The following GABRG3 variants were observed in gnomAD, a reference collection of about 807,000 sequenced individuals.
GABRG3 encodes the protein gamma-aminobutyric acid receptor subunit gamma-3.
GABRG3 carries 25 observed loss-of-function variants against 48.8 expected under a neutral mutation model. The ratio of observed to expected loss-of-function variants is 0.51; its 90% CI spans 0.37 to 0.72. The LOEUF is 0.72. GABRG3 is among the 30% of genes least tolerant of loss of function. The pLI is 0.00. For synonymous variants in GABRG3, 227 were observed against 217.6 expected, an observed-to-expected ratio of 1.04 and a Z score of -0.38; for missense variants, 394 against 577.9, an observed-to-expected ratio of 0.68 and a Z score of 3.26.
At chr15:27,472,111 T>C (rs1045865963) in intron 5 of GABRG3, among the ~76,000 whole-genome samples, 2 of 152,210 alleles carry the variant, frequency 1.3e-5, no homozygotes, top group African/African-American at 4.8e-5. Context: ...ATTTTTTTAA[T>C]CTATGTTTGG....
chr15:27,438,981 C>G (rs935603976), intron 5 of GABRG3, among the ~76,000 whole-genome samples: 1 of 152,164 alleles, frequency 6.6e-6, no homozygotes, highest in East Asian at 1.9e-4. Flanking sequence ...GGAGCATGTT[C>G]AGAGTGCACA....
chr15:27,185,970 G>A (rs1888079699), intron 3 of GABRG3, among the ~76,000 whole-genome samples: 1 of 150,090 alleles, frequency 6.7e-6, no homozygotes, highest in African/African-American at 2.4e-5. Context: ...ATATGCAGTT[G>A]CATCAAGGTT....
chr15:27,134,238 A>G (rs1897968400), intron 3 of GABRG3, among the ~76,000 whole-genome samples: 1 of 152,234 alleles, frequency 6.6e-6, no homozygotes, highest in Non-Finnish European at 1.5e-5. Context: ...GAATGTCATT[A>G]ACTTAAGCAT....
At chr15:27,205,925 T>C (rs1238608346) in intron 3 of GABRG3, among the ~76,000 whole-genome samples, 1 of 152,078 alleles carries the variant, frequency 6.6e-6, no homozygotes, top group African/African-American at 2.4e-5. Flanking sequence ...GTCTCCTTTG[T>C]CATTTCTGAT....
At chr15:27,127,792 C>T (rs1012549) in intron 3 of GABRG3, among the ~76,000 whole-genome samples, 38,254 of 151,598 alleles carry the variant, frequency 0.25, 6,158 homozygotes, top group Middle Eastern at 0.36. Flanking sequence ...TAACAATACA[C>T]GTGTTTACAA....
chr15:27,164,401 T>C (rs1020624558), intron 3 of GABRG3, among the ~76,000 whole-genome samples: 1 of 152,224 alleles, frequency 6.6e-6, no homozygotes, highest in Non-Finnish European at 1.5e-5. Flanking sequence ...AAAATACTAC[T>C]ACCCCTAATG....
chr15:27,238,904 A>G (rs1455131308), intron 3 of GABRG3, among the ~76,000 whole-genome samples: 3 of 152,198 alleles, frequency 2.0e-5, no homozygotes, highest in South Asian at 2.1e-4. Context: ...CACATATGTC[A>G]CGATTGTTAG....
intron 3 of GABRG3, among the ~76,000 whole-genome samples, chr15:27,306,829 C>T (rs540618195): frequency 9.1e-4 from 63 of 69,424 alleles, no homozygotes; most frequent in African/African-American, 4.6e-3. Flanking sequence ...TATAAACATA[C>T]AATATAAACA....
chr15:27,443,983 A>C (rs548949240), intron 5 of GABRG3, among the ~76,000 whole-genome samples: 1 of 152,312 alleles, frequency 6.6e-6, no homozygotes, highest in East Asian at 1.9e-4. Context: ...TTCCTGGGGT[A>C]ATCATTTATT....
At chr15:27,224,952 T>C (rs558261098) in intron 3 of GABRG3, among the ~76,000 whole-genome samples, 20 of 151,786 alleles carry the variant, frequency 1.3e-4, no homozygotes, top group African/African-American at 4.9e-4. Flanking sequence ...ACTCAGTTGC[T>C]AGGAATGGTG....
chr15:27,024,998 A>G (rs1239240196), intron 2 of GABRG3, among the ~76,000 whole-genome samples: 1 of 137,454 alleles, frequency 7.3e-6, no homozygotes, highest in East Asian at 2.3e-4. Flanking sequence ...GCACTCCACC[A>G]TGGGAGACAA....
At chr15:27,460,453 C>A (rs957819289) in intron 5 of GABRG3, among the ~76,000 whole-genome samples, 1 of 152,148 alleles carries the variant, frequency 6.6e-6, no homozygotes, top group East Asian at 1.9e-4. Context: ...CAAGGAGAAC[C>A]AGGAAACTCA....
At chr15:27,309,324 A>G (rs764313327) in intron 3 of GABRG3, among the ~76,000 whole-genome samples, 4 of 151,216 alleles carry the variant, frequency 2.6e-5, no homozygotes, top group African/African-American at 7.3e-5. Context: ...GTGTGTTTGT[A>G]TATATATATA....
chr15:27,313,347 T>C (rs1221820161), intron 3 of GABRG3, among the ~76,000 whole-genome samples: 1 of 126,926 alleles, frequency 7.9e-6, no homozygotes, highest in Non-Finnish European at 1.6e-5. Flanking sequence ...GAAGCAAACA[T>C]TGATGGAACT....
chr15:27,180,528 C>T lies in GABRG3; in HGVS notation c.271-146281C>T, dbSNP rs373112784. ...GCTTCCCTCAACAAACCCTGCTCCACGTATACCCTCAGGTTCAACTCATCG... is the reference window on the plus strand; with the variant it reads ...GCTTCCCTCAACAAACCCTGCTCCATGTATACCCTCAGGTTCAACTCATCG... On this transcript the variant is annotated intron_variant, in intron 3 of 9. Coordinates refer to ENST00000615808, the MANE Select transcript of GABRG3 (RefSeq NM_033223.5). This position sits in a 1 kb window ranked among gnomAD's most constrained non-coding sequence, Gnocchi z 4.2. Among the ~76,000 whole-genome samples, 26 of 152,030 alleles carry T rather than the reference C, an allele frequency of 1.7e-4. 2 individuals carry two copies. The highest frequency in any genetic ancestry group is 7.2e-4 in the Admixed American group (11 of 15,276).
At chr15:27,233,933 A>G (rs566774388) in intron 3 of GABRG3, among the ~76,000 whole-genome samples, 1 of 152,322 alleles carries the variant, frequency 6.6e-6, no homozygotes, top group African/African-American at 2.4e-5. Context: ...ATGTGGGTCA[A>G]GTTATTTCAA....
chr15:27,445,461 A>C (rs79402088), intron 5 of GABRG3, among the ~76,000 whole-genome samples: 5,845 of 152,202 alleles, frequency 0.038, 137 homozygotes, highest in Middle Eastern at 0.11. Context: ...TTATGTGTTT[A>C]TTGGCCACCT....
At position 27,525,815 on chromosome 15, in the gene GABRG3, G is replaced by T. The variant is rs538118394; in HGVS notation, c.866-1618G>T. The stretch of plus-strand genomic sequence containing the variant: ...TTTTTTGGCTGCATAGTATTCCCTG[G>T]GGGAGAACATTAGGGAAAAGAGCTA... On this transcript the variant is annotated intron_variant, in intron 7 of 9. Transcript: ENST00000615808. Among the ~76,000 whole-genome samples the T allele has an allele frequency of 3.8e-4, 58 of 152,106 alleles. 1 individual carries two copies. The highest frequency in any genetic ancestry group is 1.5e-3 in the South Asian group (7 of 4,806).
chr15:27,100,624 C>T (rs1345122955), intron 3 of GABRG3, among the ~76,000 whole-genome samples: 1 of 152,172 alleles, frequency 6.6e-6, no homozygotes, highest in African/African-American at 2.4e-5. Flanking sequence ...AAGAATTATA[C>T]ATCATGACCA....
Sources: allele counts gnomAD v4.1 joint callset (sites outside exome capture counted in the v4.1 genomes callset), GRCh38; gene constraint gnomAD v4.1.1; non-coding constraint Gnocchi (gnomAD v3.1); transcripts MANE v1.5; gene names NCBI Gene and HGNC (gene_info 2026-07-23, HGNC 2026-07-21).